Variants in ABCA10 observed in about 807,000 individuals in gnomAD.
The protein encoded by ABCA10 is ATP-binding cassette sub-family A member 10.
In ABCA10, 169 loss-of-function variants were observed where a neutral mutation model predicts 187.5. The observed-to-expected ratio is 0.90, with a 90% CI of 0.80 to 1.02. ABCA10 has a LOEUF of 1.02. ABCA10 is among the 50% of genes least tolerant of loss of function. The pLI is 0.00. For missense variants in ABCA10, 1,727 were observed against 1,812.4 expected, an observed-to-expected ratio of 0.95 and a Z score of 0.86; for synonymous variants, 574 against 601.8, an observed-to-expected ratio of 0.95 and a Z score of 0.68.
At chr17:69,225,286 G>A (rs1444634067) in intron 3 of ABCA10, 39 bp downstream of exon 3, 7 of 1,606,710 alleles carry the variant, frequency 4.4e-6, no homozygotes, top group Non-Finnish European at 6.0e-6. Context: ...TGAAAATTAA[G>A]TCACATAATA....
At chr17:69,226,462 A>T (rs560988797) in intron 2 of ABCA10, among the ~76,000 whole-genome samples, 6 of 152,070 alleles carry the variant, frequency 3.9e-5, no homozygotes, top group South Asian at 2.1e-4. Flanking sequence ...AATGGTACTG[A>T]CTATTTCTGA....
At chr17:69,203,530 C>A (rs1015987674) in intron 9 of ABCA10, among the ~76,000 whole-genome samples, 1 of 152,118 alleles carries the variant, frequency 6.6e-6, no homozygotes, top group Non-Finnish European at 1.5e-5. Flanking sequence ...AATCAAATTT[C>A]TATTTCCTAA....
At chr17:69,218,782 G>A (rs1025948047) in intron 6 of ABCA10, among the ~76,000 whole-genome samples, 4 of 152,146 alleles carry the variant, frequency 2.6e-5, no homozygotes, top group African/African-American at 4.8e-5. Flanking sequence ...TCCTGATACC[G>A]TTTGATGAAT....
At chr17:69,213,110 G>T (rs751898862) in intron 9 of ABCA10, among the ~76,000 whole-genome samples, 4 of 152,102 alleles carry the variant, frequency 2.6e-5, no homozygotes, top group Admixed American at 2.6e-4. Context: ...TCCTTCTTTG[G>T]TGCAGGATTG....
At chr17:69,149,782 A>T (rs927840278) in intron 37 of ABCA10, among the ~76,000 whole-genome samples, 2 of 152,192 alleles carry the variant, frequency 1.3e-5, no homozygotes, top group Non-Finnish European at 2.9e-5. Context: ...CTTCCTGGTC[A>T]GCACAGGAAG....
At chr17:69,182,067 T>G in intron 22 of ABCA10, 86 bp downstream of exon 22, 4 of 1,287,068 alleles carry the variant, frequency 3.1e-6, no homozygotes, top group Non-Finnish European at 4.0e-6. Context: ...AGAAACAAGA[T>G]TTGAACTCAC....
chr17:69,221,966 T>C, intron 4 of ABCA10, 71 bp from the exon 5 acceptor site: 1 of 1,213,416 alleles, frequency 8.2e-7, no homozygotes. Flanking sequence ...AACTTTAACT[T>C]TGGCTCAAAA....
At chr17:69,231,226 G>A (rs1161148446), upstream of ABCA10, among the ~76,000 whole-genome samples, 1 of 152,104 alleles carries the variant, frequency 6.6e-6, no homozygotes, top group African/African-American at 2.4e-5. Flanking sequence ...TAATATCTGT[G>A]TTGTCATTAC....
chr17:69,214,845 G>A lies in ABCA10; in HGVS notation c.865C>T (p.His289Tyr), dbSNP rs138635717. ...ACACCACTTAAGTAATTATCCAGGT[G>A]TGTAATCTGAGATTTAAAAGAAAAA... The part of the protein sequence containing the change: ...AFTAGMAQIT[H>Y]LDNYLSGVIF... The change falls in exon 9 of 39, where the codon CAC becomes TAC. Residue 289 changes from histidine (H) to tyrosine (Y), a missense_variant. Coordinates refer to ENST00000690296, the MANE Select transcript of ABCA10 (RefSeq NM_001377321.1). The A allele has an allele frequency of 2.7e-6, 4 of 1,490,600 alleles. No individual in the cohort carries two copies. The highest frequency in any genetic ancestry group is 1.4e-5 in the South Asian group (1 of 73,418). 92.3% of individuals were successfully genotyped at this position (1,490,600 alleles called of 1,614,324 possible). A position where few individuals can be genotyped will look rare whatever the true frequency, so the allele number is the denominator to read the frequency against.
chr17:69,174,803 G>T (rs773533451), intron 23 of ABCA10, 26 bp from the exon 24 acceptor site: 17 of 1,515,656 alleles, frequency 1.1e-5, no homozygotes, highest in Non-Finnish European at 1.4e-5. Context: ...AGGGATAGAG[G>T]AAGGGATCTT....
At chr17:69,209,646 G>C (rs1463113866) in intron 9 of ABCA10, among the ~76,000 whole-genome samples, 1 of 152,198 alleles carries the variant, frequency 6.6e-6, no homozygotes, top group Non-Finnish European at 1.5e-5. Flanking sequence ...TTATGTGTGA[G>C]GAAAACATAG....
rs186121995 is a variant in ABCA10 at position 69,182,729 on chromosome 17, A to G, written c.2577T>C (p.Asn859=). 53 of 1,612,832 alleles carry G rather than the reference A, an allele frequency of 3.3e-5. No individual in the cohort carries two copies. In the African/African-American group the frequency reaches 6.7e-4, roughly 20 times the overall value. ...VLEIDDFRNR[N]GSDDPSYNGA... ...CATTGTAGGAGGGATCATCTGAGCCATTTCTGTTTCTAAAGTCATCTATTT... is the reference window on the plus strand; with the variant it reads ...CATTGTAGGAGGGATCATCTGAGCCGTTTCTGTTTCTAAAGTCATCTATTT... The change falls in exon 21 of 39, where the codon AAT becomes AAC. Residue 859 remains asparagine, a synonymous_variant. Coordinates refer to ENST00000690296, the MANE Select transcript of ABCA10 (RefSeq NM_001377321.1).
chr17:69,180,644 G>GATT (rs1019313678), intron 22 of ABCA10, among the ~76,000 whole-genome samples: 1 of 152,082 alleles, frequency 6.6e-6, no homozygotes, highest in Non-Finnish European at 1.5e-5. Flanking sequence ...ACTAAGTTTT[G>GATT]ATTATATTTT....
intron 32 of ABCA10, 39 bp downstream of exon 32, chr17:69,153,792 C>T: frequency 1.3e-6 from 2 of 1,569,892 alleles, no homozygotes; most frequent in Non-Finnish European, 1.7e-6. Context: ...CATATTTTCC[C>T]CTTCCTCCTG....
chr17:69,179,213 A>C (rs541286343), intron 22 of ABCA10, among the ~76,000 whole-genome samples: 21 of 152,156 alleles, frequency 1.4e-4, no homozygotes, highest in East Asian at 1.4e-3. Flanking sequence ...AACAAACAAA[A>C]AAAAAACCTC....
At chr17:69,198,019 T>C (rs2074518310) in intron 10 of ABCA10, among the ~76,000 whole-genome samples, 2 of 152,174 alleles carry the variant, frequency 1.3e-5, no homozygotes, top group South Asian at 4.1e-4. Context: ...ACTTCCATTC[T>C]CTATCTCAGT....
In ABCA10 at chr17:69,182,120, T is replaced by G. The variant is rs761882846; in HGVS notation, c.2769+33A>C. The G allele has an allele frequency of 7.9e-6, 12 of 1,522,190 alleles. No homozygotes were observed. In the East Asian group the frequency reaches 3.0e-4, roughly 37 times the overall value. 94.3% of individuals were successfully genotyped at this position (1,522,190 alleles called of 1,614,324 possible). On this transcript the variant is annotated intron_variant, in intron 22 of 38. Transcript: ENST00000690296. ...CCTCATCCTTTATCCCTCTGCTGTGTTGCCTCTTATATAAGTCGAATACTC... is the reference window on the plus strand; with the variant it reads ...CCTCATCCTTTATCCCTCTGCTGTGGTGCCTCTTATATAAGTCGAATACTC...
At chr17:69,171,804 A>G (rs2074299994) in intron 25 of ABCA10, among the ~76,000 whole-genome samples, 2 of 152,152 alleles carry the variant, frequency 1.3e-5, no homozygotes, top group African/African-American at 4.8e-5. Flanking sequence ...AATGACTGTC[A>G]ACCTAGAAAT....
chr17:69,184,705 A>G (rs2074406434), intron 20 of ABCA10, among the ~76,000 whole-genome samples: 1 of 152,118 alleles, frequency 6.6e-6, no homozygotes, highest in Non-Finnish European at 1.5e-5. Flanking sequence ...ACTCCTGGGC[A>G]TCTACTCAGA....
Sources: gnomAD v4.1 joint callset for allele counts (sites outside exome capture counted in the v4.1 genomes callset) on GRCh38, gnomAD v4.1.1 for gene constraint, MANE v1.5 for transcripts, NCBI Gene and HGNC (gene_info 2026-07-23, HGNC 2026-07-21) for gene names.